Variants in SPECC1 observed in about 807,000 individuals in gnomAD.
SPECC1 encodes cytospin-B.
A neutral mutation model predicts 104.1 loss-of-function variants in SPECC1; 62 were observed. The ratio of observed to expected loss-of-function variants is 0.60; its 90% CI spans 0.49 to 0.74. The LOEUF (loss-of-function observed/expected upper bound fraction) is 0.74, where lower values mean the gene tolerates loss of function less well. Ranked by LOEUF, SPECC1 falls within the 30% of genes least tolerant of loss-of-function variation. The pLI is 0.00. For missense variants in SPECC1, 1,306 were observed against 1,310.5 expected (o/e 1.00, Z 0.05); for synonymous variants, 513 against 501.6 (o/e 1.02, Z -0.30).
intron 1 of SPECC1, among the ~76,000 whole-genome samples, chr17:20,063,398 A>G (rs902012417): frequency 6.6e-6 from 1 of 152,054 alleles, no homozygotes; most frequent in African/African-American, 2.4e-5. Flanking sequence ...CTTGTTCCTA[A>G]TTTGGGTACC....
intron 12 of SPECC1, among the ~76,000 whole-genome samples, chr17:20,289,363 G>A (rs912742496): frequency 6.6e-6 from 1 of 151,898 alleles, no homozygotes; most frequent in East Asian, 1.9e-4. Flanking sequence ...GGGCAGGGGC[G>A]CCATCTAGGC....
At chr17:20,070,226 A>T (rs35770292) in intron 1 of SPECC1, among the ~76,000 whole-genome samples, 43,936 of 152,094 alleles carry the variant, frequency 0.29, 6,851 homozygotes, top group Middle Eastern at 0.43. Context: ...ATTTTCACGT[A>T]AAGTACAATG....
At chr17:20,056,107 T>C (rs1355151856) in intron 1 of SPECC1, among the ~76,000 whole-genome samples, 3 of 152,240 alleles carry the variant, frequency 2.0e-5, no homozygotes, top group African/African-American at 7.2e-5. Context: ...AGAGACTTAG[T>C]AGCATCTTTA....
At chr17:20,161,520 T>C (rs968069043) in intron 3 of SPECC1, among the ~76,000 whole-genome samples, 2 of 152,224 alleles carry the variant, frequency 1.3e-5, no homozygotes, top group Non-Finnish European at 2.9e-5. Context: ...GGATCTCATG[T>C]ATTATTTAAT....
Position 20,291,469 on chromosome 17 carries a change from G to A in SPECC1, c.2941-5492G>A, listed in dbSNP as rs976547422. Among the ~76,000 whole-genome samples, 10 of 152,290 alleles carry A rather than the reference G, an allele frequency of 6.6e-5. No individual in the cohort carries two copies. The East Asian group carries it at 1.4e-3, about 21-fold the overall frequency. The stretch of plus-strand genomic sequence containing the variant: ...TAAAATGGGTATAACACTAGTCACC[G>A]TGCATGGCTGTAAATGAGAAAATGC... On this transcript the variant is annotated intron_variant, in intron 12 of 14. Coordinates refer to ENST00000395527, the MANE Select transcript of SPECC1 (RefSeq NM_001243439.2).
intron 2 of SPECC1, among the ~76,000 whole-genome samples, chr17:20,109,470 A>T (rs954189683): frequency 1.3e-5 from 2 of 152,226 alleles, no homozygotes; most frequent in African/African-American, 4.8e-5. Context: ...AATGTAATCT[A>T]TCTGGGCCTG....
At chr17:20,134,960 A>G (rs9893832) in intron 3 of SPECC1, among the ~76,000 whole-genome samples, 86,159 of 152,054 alleles carry the variant, frequency 0.57, 25,006 homozygotes, top group Middle Eastern at 0.61. Flanking sequence ...AGGGAAGCTG[A>G]AGGTCTTTCC....
chr17:20,103,019 G>C (rs1162415290), intron 2 of SPECC1, among the ~76,000 whole-genome samples: 1 of 152,178 alleles, frequency 6.6e-6, no homozygotes, highest in African/African-American at 2.4e-5. Flanking sequence ...AGCACAGAGA[G>C]GACGTGATTT....
At chr17:20,126,931 C>A (rs1269994286) in intron 3 of SPECC1, among the ~76,000 whole-genome samples, 3 of 152,282 alleles carry the variant, frequency 2.0e-5, no homozygotes, top group Admixed American at 2.0e-4. Flanking sequence ...TCTCTTTTTA[C>A]CCTGGAGTCT....
intron 12 of SPECC1, among the ~76,000 whole-genome samples, chr17:20,272,246 TC>T (rs1339211454): frequency 6.6e-6 from 1 of 152,192 alleles, no homozygotes; most frequent in Non-Finnish European, 1.5e-5. Flanking sequence ...ATTCTTTTTT[TC>T]CCCTATTTCT....
At chr17:20,226,937 G>A (rs947033632) in intron 4 of SPECC1, among the ~76,000 whole-genome samples, 2 of 152,140 alleles carry the variant, frequency 1.3e-5, no homozygotes, top group Non-Finnish European at 2.9e-5. Context: ...AGCAGAGGGC[G>A]CTGCTCCATA....
chr17:20,296,984 C>T lies in SPECC1; in HGVS notation c.2964C>T (p.Ser988=). The change falls in exon 13 of 15, where the codon AGC becomes AGT. Residue 988 remains serine, a synonymous_variant. Transcript: ENST00000395527. ...AGAACATTGACATCACCAATTTCAG[C>T]AGCAGCTGGAGCGATGGCCTGGCCT... ...GYANIDITNF[S]SSWSDGLAFC... 1 of 1,614,220 alleles carries T rather than the reference C, an allele frequency of 6.2e-7. No individual in the cohort carries two copies. The highest frequency in any genetic ancestry group is 8.5e-7 in the Non-Finnish European group (1 of 1,180,038).
At chr17:20,272,246 T>C (rs1360558800) in intron 12 of SPECC1, among the ~76,000 whole-genome samples, 4 of 152,192 alleles carry the variant, frequency 2.6e-5, no homozygotes, top group African/African-American at 7.2e-5. Context: ...ATTCTTTTTT[T>C]CCCCTATTTC....
intron 12 of SPECC1, among the ~76,000 whole-genome samples, chr17:20,286,583 C>G (rs1186046380): frequency 6.6e-6 from 1 of 152,156 alleles, no homozygotes; most frequent in Non-Finnish European, 1.5e-5. Flanking sequence ...AGGGGTAGGT[C>G]CTGGAGTGAG....
intron 12 of SPECC1, among the ~76,000 whole-genome samples, chr17:20,268,834 TCA>T (rs966370980): frequency 7.9e-5 from 12 of 152,280 alleles, no homozygotes; most frequent in African/African-American, 2.9e-4. Flanking sequence ...TGGTTTTCTC[TCA>T]CGAGCCAGTG....
At chr17:20,142,632 A>G (rs2030953622) in intron 3 of SPECC1, among the ~76,000 whole-genome samples, 1 of 152,210 alleles carries the variant, frequency 6.6e-6, no homozygotes. Context: ...GGTGATTGCC[A>G]GCGGCTGCGG....
intron 1 of SPECC1, among the ~76,000 whole-genome samples, chr17:20,023,868 TAGAG>T (rs2044496589): frequency 6.7e-6 from 1 of 149,562 alleles, no homozygotes; most frequent in Non-Finnish European, 1.5e-5. Context: ...ATAACCCTGA[TAGAG>T]AGCAGTATAT....
chr17:20,018,918 A>C (rs551306053), intron 1 of SPECC1, among the ~76,000 whole-genome samples: 1 of 152,328 alleles, frequency 6.6e-6, no homozygotes, highest in East Asian at 1.9e-4. Flanking sequence ...AGCACATACC[A>C]CATTCCACGC....
At chr17:20,023,308 C>T (rs2044467570) in intron 1 of SPECC1, among the ~76,000 whole-genome samples, 1 of 152,140 alleles carries the variant, frequency 6.6e-6, no homozygotes, top group South Asian at 2.1e-4. Flanking sequence ...ATTTTGTCTT[C>T]CTTCTCTTGT....
Sources: allele counts gnomAD v4.1 joint callset (sites outside exome capture counted in the v4.1 genomes callset), GRCh38; gene constraint gnomAD v4.1.1; transcripts MANE v1.5; gene names NCBI Gene and HGNC (gene_info 2026-07-23, HGNC 2026-07-21).